Variants in MCF2 observed in about 807,000 individuals in gnomAD.
MCF2 encodes the protein proto-oncogene DBL.
Under a neutral mutation model 82.5 loss-of-function variants are expected in MCF2, and 44 were observed. The observed-to-expected ratio is 0.53, with a 90% CI of 0.42 to 0.69. The LOEUF is 0.69. Ranked by LOEUF, MCF2 falls within the 30% of genes least tolerant of loss-of-function variation. The pLI is 0.00. For synonymous variants in MCF2, 217 were observed against 224.9 expected (o/e 0.96, Z 0.32); for missense variants, 623 against 663.1 (o/e 0.94, Z 0.66).
chrX:139,647,619 G>T (rs1040253154), upstream of MCF2, among the ~76,000 whole-genome samples: 1 of 110,706 alleles, frequency 9.0e-6, no homozygotes, highest in Non-Finnish European at 1.9e-5. Context: ...GGATCCCAGT[G>T]CTCATAGGTG....
rs190778519 is a variant in MCF2 at position 139,670,511 on chromosome X, G to T, written c.-44-18723C>A. ...CGGGGTGTGATGTTCCCTGCCCTGT[G>T]TCCAAGTGTTCTCATTGTTCAATTC... On this transcript the variant is annotated intron_variant, in intron 1 of 27. Coordinates refer to the MCF2 transcript ENST00000414978. 3.8e-3 allele frequency among the ~76,000 whole-genome samples: 413 copies of T among 109,921 alleles called. 1 individual carries two copies. Among genetic ancestry groups the T allele is most frequent in the Middle Eastern group, 0.014 (3 of 217 alleles).
intron 2 of MCF2, among the ~76,000 whole-genome samples, chrX:139,649,586 G>T (rs1455401153): frequency 9.0e-6 from 1 of 111,624 alleles, no homozygotes; most frequent in Non-Finnish European, 1.9e-5. Flanking sequence ...AATTATCATT[G>T]ACTAATCTAT....
chrX:139,651,099 G>A (rs866707308), intron 2 of MCF2, among the ~76,000 whole-genome samples: 5 of 110,209 alleles, frequency 4.5e-5, no homozygotes, highest in Non-Finnish European at 9.4e-5. Context: ...CTGAAACTCC[G>A]GAGATGGTGG....
At chrX:139,678,803 A>AT (rs768612513) in intron 1 of MCF2, among the ~76,000 whole-genome samples, 272 of 112,347 alleles carry the variant, frequency 2.4e-3, no homozygotes, top group South Asian at 4.5e-3. Context: ...CTTAAGCAAC[A>AT]TTTTTTAAAA....
intron 1 of MCF2, among the ~76,000 whole-genome samples, chrX:139,635,750 G>A (rs1933172056): frequency 9.0e-6 from 1 of 111,365 alleles, no homozygotes; most frequent in Non-Finnish European, 1.9e-5. Context: ...TTAGGTTTGG[G>A]GGTATATGCA....
chrX:139,588,447 TAA>T lies in MCF2; in HGVS notation c.2371-11_2371-10del. On this transcript the variant is annotated splice_polypyrimidine_tract_variant and intron_variant, in intron 20 of 24. Coordinates refer to ENST00000370576, the Ensembl canonical transcript of MCF2. ...ACATCTACATTAGAAGCCTAAAGAT[TAA>T]AAAAAAAGCGGGAGGGAGGTGGTAC... is the stretch of plus-strand genomic sequence containing the variant. The T allele has an allele frequency of 9.1e-7, 1 of 1,102,169 alleles. No individual in the cohort carries two copies. The highest frequency in any genetic ancestry group is 1.2e-6 in the Non-Finnish European group (1 of 806,947). The allele number at this position is 1,102,169 out of a possible 1,213,427, so 90.8% of individuals were successfully genotyped here. A position where few individuals can be genotyped will look rare whatever the true frequency, so the allele number is the denominator to read the frequency against.
intron 1 of MCF2, among the ~76,000 whole-genome samples, chrX:139,660,898 T>A (rs1000740349): frequency 6.3e-5 from 7 of 111,816 alleles, no homozygotes; most frequent in African/African-American, 2.3e-4. Flanking sequence ...CATGGGAATA[T>A]AAACAGAGTT....
At chrX:139,637,890 G>A (rs1182312063) in intron 1 of MCF2, among the ~76,000 whole-genome samples, 1 of 111,651 alleles carries the variant, frequency 9.0e-6, no homozygotes, top group East Asian at 2.8e-4. Context: ...AGGGAGGCAG[G>A]AGAGTCAGAG....
intron 1 of MCF2, among the ~76,000 whole-genome samples, chrX:139,663,707 G>A (rs1262016275): frequency 5.5e-5 from 6 of 108,854 alleles, no homozygotes; most frequent in Non-Finnish European, 1.1e-4. Flanking sequence ...AGTTTAAATC[G>A]AATGTTTCTT....
chrX:139,680,031 T>C (rs1287888544), intron 1 of MCF2, among the ~76,000 whole-genome samples: 3 of 112,285 alleles, frequency 2.7e-5, no homozygotes, highest in African/African-American at 9.7e-5. Flanking sequence ...CACGTATATG[T>C]GCATTCATAT....
At chrX:139,646,944 T>C (rs774309028), upstream of MCF2, 7 of 757,571 alleles carry the variant, frequency 9.2e-6, no homozygotes, top group Non-Finnish European at 1.4e-5. Context: ...TAAAAATGTA[T>C]ATAACAACGA....
chrX:139,602,544 G>T, intron 15 of MCF2, 46 bp from the exon 20 acceptor site: 1 of 903,696 alleles, frequency 1.1e-6, no homozygotes, highest in South Asian at 2.1e-5. Flanking sequence ...TTGTGAATAT[G>T]ACTTTTGCCA....
At chrX:139,650,330 G>A (rs1052241146) in intron 2 of MCF2, among the ~76,000 whole-genome samples, 6 of 111,039 alleles carry the variant, frequency 5.4e-5, no homozygotes, top group Admixed American at 9.6e-5. Flanking sequence ...CTGGAGCCTG[G>A]ACAAAAGAGC....
intron 18 of MCF2, 99 bp downstream of exon 22, chrX:139,597,361 T>G: frequency 3.1e-6 from 2 of 645,303 alleles, no homozygotes; most frequent in Admixed American, 2.4e-5. Context: ...TCCAGTTATC[T>G]GATTCTTATA....
chrX:139,618,750 C>A (rs1932116255), intron 7 of MCF2, among the ~76,000 whole-genome samples: 1 of 111,495 alleles, frequency 9.0e-6, no homozygotes, highest in African/African-American at 3.3e-5. Context: ...CTTGCTCTCA[C>A]ATAAAAAGCA....
intron 1 of MCF2, among the ~76,000 whole-genome samples, chrX:139,686,432 G>A (rs1569401336): frequency 1.8e-5 from 2 of 110,666 alleles, no homozygotes; most frequent in Non-Finnish European, 3.8e-5. Context: ...TGAGGTGAGA[G>A]AATCATTTGA....
chrX:139,651,921 G>A (rs764729962), intron 1 of MCF2, 133 bp from the exon 2 acceptor site: 17 of 386,676 alleles, frequency 4.4e-5, no homozygotes, highest in Admixed American at 9.3e-5. Context: ...AGACACTGTC[G>A]ATCTCTTTCC....
chrX:139,593,015 A>G (rs983132119), intron 19 of MCF2, among the ~76,000 whole-genome samples: 1 of 112,272 alleles, frequency 8.9e-6, no homozygotes, highest in Non-Finnish European at 1.9e-5. Flanking sequence ...ACTATGAAAG[A>G]ACATGCTCAT....
chrX:139,657,636 T>C (rs955942837), intron 1 of MCF2, among the ~76,000 whole-genome samples: 2 of 112,603 alleles, frequency 1.8e-5, no homozygotes, highest in African/African-American at 6.5e-5. Flanking sequence ...TGTGAAATAT[T>C]AGGGGTTAAA....
Sources: gnomAD v4.1 joint callset for allele counts (sites outside exome capture counted in the v4.1 genomes callset) on GRCh38, gnomAD v4.1.1 for gene constraint, MANE v1.5 for transcripts, NCBI Gene and HGNC (gene_info 2026-07-23, HGNC 2026-07-21) for gene names.